The following WDR35 variants were observed in gnomAD, a reference collection of about 807,000 sequenced individuals.
WDR35 encodes the protein WD repeat domain 35.
Under a neutral mutation model 158.3 loss-of-function variants are expected in WDR35, and 118 were observed. The observed-to-expected ratio is 0.75, with a 90% CI of 0.64 to 0.87. The LOEUF (loss-of-function observed/expected upper bound fraction) is 0.87, where lower values mean the gene tolerates loss of function less well. Ranked by LOEUF, WDR35 falls within the 40% of genes least tolerant of loss-of-function variation. WDR35 has a pLI of 0.00. For synonymous variants in WDR35, 448 were observed against 476.1 expected, an observed-to-expected ratio of 0.94 and a Z score of 0.77; for missense variants, 1,263 against 1,405.8, an observed-to-expected ratio of 0.90 and a Z score of 1.62.
Position 19,935,572 on chromosome 2 carries a change from G to A in WDR35, c.2446C>T (p.Arg816Trp), listed in dbSNP as rs374027943. 40 of 1,612,586 alleles carry A rather than the reference G, an allele frequency of 2.5e-5. No homozygotes were observed. Among genetic ancestry groups the A allele is most frequent in the East Asian group, 6.7e-5 (3 of 44,768 alleles). ...LNAVQYYVQG[R>W]NQERLAECYY... ...CATTCAGCTAAGCGTTCCTGGTTCC[G>A]TCCTTGTACATAATATTGTACAGCA... The change falls in exon 21 of 27, where the codon CGG (arginine) becomes TGG (tryptophan). Residue 816 changes from arginine to tryptophan, a missense_variant. Arg to Trp is a moderately radical substitution (Grantham distance 101, BLOSUM62 -3). Coordinates refer to ENST00000281405, the MANE Select transcript of WDR35 (RefSeq NM_020779.4).
At chr2:19,981,694 T>C (rs1250258217) in intron 3 of WDR35, among the ~76,000 whole-genome samples, 1 of 152,066 alleles carries the variant, frequency 6.6e-6, no homozygotes, top group Non-Finnish European at 1.5e-5. Flanking sequence ...ATTTTTTTTA[T>C]TTTTTGTAGA....
chr2:19,936,925 TTGTGCCTTTAC>T (rs1158936083), intron 19 of WDR35, among the ~76,000 whole-genome samples: 7 of 152,238 alleles, frequency 4.6e-5, no homozygotes, highest in African/African-American at 1.4e-4. Context: ...GAAAAGAATG[TTGTGCCTTTAC>T]TTTCCTGGAC....
intron 2 of WDR35, among the ~76,000 whole-genome samples, chr2:19,987,672 A>G (rs1257977772): frequency 6.6e-6 from 1 of 151,768 alleles, no homozygotes; most frequent in East Asian, 1.9e-4. Context: ...AAATACAAAA[A>G]AATTAGCCAG....
chr2:19,984,440 A>C (rs1672489367), intron 2 of WDR35, among the ~76,000 whole-genome samples: 2 of 152,236 alleles, frequency 1.3e-5, no homozygotes, highest in Admixed American at 1.3e-4. Context: ...CCAAACTGGT[A>C]TGTGAACAAA....
chr2:19,934,407 C>T lies in WDR35; in HGVS notation c.2548-896G>A, dbSNP rs945815708. 6.6e-6 allele frequency among the ~76,000 whole-genome samples: 1 copy of T among 152,004 alleles called. No individual in the cohort carries two copies. The highest frequency in any genetic ancestry group is 1.5e-5 in the Non-Finnish European group (1 of 67,972). On this transcript the variant is annotated intron_variant, in intron 21 of 26. Coordinates refer to ENST00000281405, the MANE Select transcript of WDR35 (RefSeq NM_020779.4). This position sits in a 1 kb window ranked among gnomAD's most constrained non-coding sequence, Gnocchi z 4.6. The stretch of plus-strand genomic sequence containing the variant: ...TATATATGTATATGTTTGTGTTGTA[C>T]ACAATCACACAATACACAATTTTGT...
rs770741202 is a variant in WDR35 at position 19,973,591 on chromosome 2, A to T, written c.854T>A (p.Ile285Asn). The T allele has an allele frequency of 6.2e-7, 1 of 1,614,188 alleles. No individual in the cohort carries two copies. Among genetic ancestry groups the T allele is most frequent in the East Asian group, 2.2e-5 (1 of 44,882 alleles). Residue 285 changes from isoleucine to asparagine, a missense_variant, in exon 8 of 27, where the codon ATT (isoleucine) becomes AAT (asparagine). Coordinates refer to ENST00000281405, the MANE Select transcript of WDR35 (RefSeq NM_020779.4). ...ACCAAACGGAGTGTAAAACTGCACA[A>T]TGTTCACATCTTTGTCCTGCATGGC... Reference protein sequence around the residue: ...KAAMQDKDVNIVQFYTPFGEH... With the variant: ...KAAMQDKDVNNVQFYTPFGEH...
intron 16 of WDR35, among the ~76,000 whole-genome samples, chr2:19,944,564 A>G (rs535691800): frequency 1.3e-5 from 2 of 152,210 alleles, no homozygotes; most frequent in Admixed American, 6.5e-5. Context: ...AATTCCCACA[A>G]TTGTTTTGTG....
At chr2:19,971,851 C>A (rs960247403) in intron 8 of WDR35, among the ~76,000 whole-genome samples, 4 of 152,228 alleles carry the variant, frequency 2.6e-5, no homozygotes, top group African/African-American at 7.2e-5. Flanking sequence ...GCCCTCATTA[C>A]ATGCCAGGCA....
chr2:19,946,966 A>C (rs1002002605), intron 14 of WDR35, among the ~76,000 whole-genome samples: 5 of 152,238 alleles, frequency 3.3e-5, no homozygotes, highest in Non-Finnish European at 2.9e-5. Flanking sequence ...AAAAATCAAC[A>C]GAAGATCATA....
At chr2:19,941,024 T>C (rs922531809) in intron 17 of WDR35, among the ~76,000 whole-genome samples, 1 of 152,128 alleles carries the variant, frequency 6.6e-6, no homozygotes, top group African/African-American at 2.4e-5. Flanking sequence ...AATTTACATA[T>C]CAAACCCAAA....
chr2:19,915,850 C>T (rs1453522077), intron 25 of WDR35, among the ~76,000 whole-genome samples: 2 of 150,856 alleles, frequency 1.3e-5, no homozygotes, highest in Admixed American at 6.6e-5. Context: ...AAGTTGACCT[C>T]GTGGAGCGTG....
At chr2:19,932,616 A>G (rs992678529) in intron 22 of WDR35, among the ~76,000 whole-genome samples, 169 bp from the exon 23 acceptor site, 1 of 152,214 alleles carries the variant, frequency 6.6e-6, no homozygotes, top group African/African-American at 2.4e-5. Context: ...TCCTATAAGC[A>G]TAAGTCAAAA....
chr2:19,981,802 A>G (rs1386079592), intron 3 of WDR35, among the ~76,000 whole-genome samples: 1 of 152,176 alleles, frequency 6.6e-6, no homozygotes, highest in Non-Finnish European at 1.5e-5. Flanking sequence ...TATAGGTGTT[A>G]GCCACTACAC....
rs577418262 is a variant in WDR35, at chr2:19,932,778, A to C, written c.2659-331T>G. 5.4e-4 allele frequency among the ~76,000 whole-genome samples: 82 copies of C among 152,328 alleles called. No individual in the cohort carries two copies. The South Asian group carries it at 0.016, about 29-fold the overall frequency. On this transcript the variant is annotated intron_variant, in intron 22 of 26. Coordinates refer to ENST00000281405, the MANE Select transcript of WDR35 (RefSeq NM_020779.4). ...TTGTTTATATGTTATAGTAAAACAA[A>C]ATATGCAATTTCAGTTGTGAAAATG...
At chr2:19,930,800 T>C (rs779185234) in intron 24 of WDR35, among the ~76,000 whole-genome samples, 1 of 152,176 alleles carries the variant, frequency 6.6e-6, no homozygotes, top group African/African-American at 2.4e-5. Flanking sequence ...TAAGCCTCCC[T>C]AGTCACTGAG....
In WDR35 at chr2:19,978,627, T is replaced by C. The variant is rs1301074626; in HGVS notation, c.436+124A>G. On this transcript the variant is annotated intron_variant, in intron 5 of 26. Transcript: ENST00000281405. ...GAATGTCGTCAAATTGTATATCAAA[T>C]AGTTTCCCTTTTATGTCTATTTTTC... 4 of 1,402,406 alleles carry C rather than the reference T, an allele frequency of 2.9e-6. No individual in the cohort carries two copies. The African/African-American group carries it at 5.7e-5, about 20-fold the overall frequency. The allele number at this position is 1,402,406 out of a possible 1,614,324, so 86.9% of individuals were successfully genotyped here.
chr2:19,951,672 A>T lies in WDR35; in HGVS notation c.1401-188T>A, dbSNP rs1572341996. The T allele has an allele frequency of 8.1e-6, 4 of 496,824 alleles. No homozygotes were observed. In the East Asian group the frequency reaches 1.3e-4, roughly 16 times the overall value. The allele number at this position is 496,824 out of a possible 1,614,324, so 30.8% of individuals were successfully genotyped here. On this transcript the variant is annotated intron_variant, in intron 12 of 26. Transcript: ENST00000281405. ...AAAAATTATCTACCAGGTGTTTACT[A>T]GTTATATAAATGATACGTTCCTGAA... is the stretch of plus-strand genomic sequence containing the variant.
At chr2:19,953,781 G>A in intron 12 of WDR35, 53 bp downstream of exon 12, 1 of 1,609,628 alleles carries the variant, frequency 6.2e-7, no homozygotes. Context: ...TACTATGTCT[G>A]ACTTCAATGT....
intron 10 of WDR35, among the ~76,000 whole-genome samples, chr2:19,966,506 T>A (rs1179142879): frequency 6.6e-6 from 1 of 152,030 alleles, no homozygotes; most frequent in Non-Finnish European, 1.5e-5. Context: ...AACCAGTCAG[T>A]ATGAATTGCC....
Sources: gnomAD v4.1 joint callset for allele counts (sites outside exome capture counted in the v4.1 genomes callset) on GRCh38, gnomAD v4.1.1 for gene constraint, Gnocchi (gnomAD v3.1) non-coding constraint, MANE v1.5 for transcripts, NCBI Gene and HGNC (gene_info 2026-07-23, HGNC 2026-07-21) for gene names.